SLC12A8: variants seen among roughly 807,000 people sequenced by gnomAD.
SLC12A8 encodes solute carrier family 12 member 8, also known as cation-chloride cotransporter 9.
A neutral mutation model predicts 75.6 loss-of-function variants in SLC12A8; 69 were observed. The ratio of observed to expected loss-of-function variants is 0.91; its 90% CI spans 0.75 to 1.11. The LOEUF is 1.11. Ranked by LOEUF, SLC12A8 falls within the 50% of genes most tolerant of loss-of-function variation. SLC12A8 has a pLI of 0.00. For missense variants in SLC12A8, 877 were observed against 896.7 expected (o/e 0.98, Z 0.28); for synonymous variants, 365 against 372.8 (o/e 0.98, Z 0.24).
Position 125,095,241 on chromosome 3 carries a change from C to T in SLC12A8, c.1706-3043G>A, listed in dbSNP as rs191740739. Among the ~76,000 whole-genome samples the T allele has an allele frequency of 1.7e-4, 26 of 152,288 alleles. No homozygotes were observed. In the East Asian group the frequency reaches 2.9e-3, roughly 17 times the overall value. On this transcript the variant is annotated intron_variant, in intron 10 of 13. Coordinates refer to ENST00000469902, the MANE Select transcript of SLC12A8 (RefSeq NM_024628.6). ...TCACCCATTAGTTGGCTAATAAGCA[C>T]CTTAAACTTAACATGACTAACACAG...
At chr3:125,164,698 C>G (rs1052330012) in intron 5 of SLC12A8, among the ~76,000 whole-genome samples, 7 of 152,258 alleles carry the variant, frequency 4.6e-5, no homozygotes, top group Non-Finnish European at 8.8e-5. Context: ...GTTTCCTCCA[C>G]TGAGCCTGGG....
intron 4 of SLC12A8, among the ~76,000 whole-genome samples, chr3:125,179,686 G>T (rs190231816): frequency 6.1e-4 from 92 of 149,614 alleles, no homozygotes; most frequent in Middle Eastern, 6.8e-3. Context: ...AGAAATGTGA[G>T]GGAAATACAA....
intron 1 of SLC12A8, among the ~76,000 whole-genome samples, chr3:125,212,113 G>C (rs1935348063): frequency 6.6e-6 from 1 of 152,090 alleles, no homozygotes; most frequent in South Asian, 2.1e-4. Flanking sequence ...GAGGAAGAGA[G>C]CGAGGGGGAG....
Position 125,202,853 on chromosome 3 carries a change from C to T in SLC12A8, c.51+8446G>A, listed in dbSNP as rs1007545471. 4.2e-4 allele frequency among the ~76,000 whole-genome samples: 64 copies of T among 151,980 alleles called. 1 individual carries two copies. The highest frequency in any genetic ancestry group is 1.4e-3 in the African/African-American group (59 of 41,456). ...CTGTAATCCCAGTACTTTGGGAGGCCAAGGCGGGCGGATCACCTGAGGTCA... is the reference window on the plus strand; with the variant it reads ...CTGTAATCCCAGTACTTTGGGAGGCTAAGGCGGGCGGATCACCTGAGGTCA... On this transcript the variant is annotated intron_variant, in intron 2 of 13. Coordinates refer to ENST00000469902, the MANE Select transcript of SLC12A8 (RefSeq NM_024628.6).
intron 10 of SLC12A8, among the ~76,000 whole-genome samples, chr3:125,103,604 A>G (rs1205838499): frequency 1.3e-5 from 2 of 152,048 alleles, no homozygotes; most frequent in Admixed American, 6.5e-5. Flanking sequence ...AGCTGGAACT[A>G]CAGGCATGTG....
At chr3:125,144,727 G>C (rs966623214) in intron 5 of SLC12A8, among the ~76,000 whole-genome samples, 1 of 152,034 alleles carries the variant, frequency 6.6e-6, no homozygotes, top group Non-Finnish European at 1.5e-5. Context: ...TCAACTCATG[G>C]CCCCCTCAAA....
At chr3:125,210,273 T>C (rs1560088204) in intron 2 of SLC12A8, among the ~76,000 whole-genome samples, 1 of 152,192 alleles carries the variant, frequency 6.6e-6, no homozygotes, top group African/African-American at 2.4e-5. Flanking sequence ...AAATTGTTGA[T>C]AAGAAGCATC....
intron 5 of SLC12A8, among the ~76,000 whole-genome samples, chr3:125,166,760 T>C (rs1934299909): frequency 6.6e-6 from 1 of 152,216 alleles, no homozygotes; most frequent in African/African-American, 2.4e-5. Context: ...TGCGAAAATA[T>C]GTTGGCTGAA....
chr3:125,200,795 G>A (rs551642088), intron 2 of SLC12A8, among the ~76,000 whole-genome samples: 3 of 152,308 alleles, frequency 2.0e-5, no homozygotes, highest in Non-Finnish European at 4.4e-5. Flanking sequence ...AAAAAGGAAA[G>A]TGACTCAAAA....
intron 8 of SLC12A8, among the ~76,000 whole-genome samples, chr3:125,116,656 CAG>C (rs1297326558): frequency 1.3e-5 from 2 of 152,166 alleles, no homozygotes; most frequent in Admixed American, 6.5e-5. Context: ...CCTTGAAAAA[CAG>C]GGGAAGGAGA....
chr3:125,086,770 G>A (rs915610476), intron 13 of SLC12A8, among the ~76,000 whole-genome samples: 35 of 152,306 alleles, frequency 2.3e-4, no homozygotes, highest in Non-Finnish European at 4.3e-4. Flanking sequence ...ATTGAGACCA[G>A]CTGGCCCAAG....
At chr3:125,106,562 C>A (rs1042082031) in intron 10 of SLC12A8, among the ~76,000 whole-genome samples, 1 of 152,150 alleles carries the variant, frequency 6.6e-6, no homozygotes, top group African/African-American at 2.4e-5. Context: ...AGCCACCATG[C>A]CTGGCTAATT....
chr3:125,163,472 G>A (rs571948944), intron 5 of SLC12A8, among the ~76,000 whole-genome samples: 5 of 151,582 alleles, frequency 3.3e-5, no homozygotes, highest in African/African-American at 4.8e-5. Context: ...TTAGCCAGGC[G>A]CCTGTAGTCC....
chr3:125,107,862 C>T lies in SLC12A8; in HGVS notation c.1324G>A (p.Gly442Ser), dbSNP rs370711982. ...HLLLEKAPSY[G>S]SEGPAQRVLE... ...ACTCTTTGGGCAGGTCCCTCAGAGC[C>T]GTAACTGGGAGCTTTCTCTAAGAGC... The change falls in exon 10 of 14, where the codon GGC becomes AGC. Residue 442 changes from glycine (G) to serine (S), a missense_variant. Physicochemically the swap from Gly to Ser is moderately conservative, Grantham distance 56. Transcript: ENST00000469902. 1.2e-5 allele frequency: 19 copies of T among 1,614,048 alleles called. No homozygotes were observed. Among genetic ancestry groups the T allele is most frequent in the South Asian group, 3.3e-5 (3 of 91,074 alleles).
intron 12 of SLC12A8, among the ~76,000 whole-genome samples, 174 bp from the exon 13 acceptor site, chr3:125,088,544 C>T (rs767441929): frequency 6.6e-6 from 1 of 152,178 alleles, no homozygotes; most frequent in Non-Finnish European, 1.5e-5. Flanking sequence ...TCCATGACAG[C>T]AGCCTACTAA....
Position 125,083,874 on chromosome 3 carries a change from G to A in SLC12A8, c.*16C>T. 1.2e-6 allele frequency: 2 copies of A among 1,607,698 alleles called. No individual in the cohort carries two copies. The highest frequency in any genetic ancestry group is 1.7e-6 in the Non-Finnish European group (2 of 1,177,178). On this transcript the variant is annotated 3_prime_UTR_variant, in exon 14 of 14. Transcript: ENST00000469902. Reference sequence around the variant, plus strand: ...ACATGGGACAGCTCCAAAAGAGGAAGGTCCCAGCACTGCATCTAGTAGTGA... The same window carrying A: ...ACATGGGACAGCTCCAAAAGAGGAAAGTCCCAGCACTGCATCTAGTAGTGA...
At chr3:125,129,119 G>A (rs906018017) in intron 6 of SLC12A8, among the ~76,000 whole-genome samples, 11 of 152,362 alleles carry the variant, frequency 7.2e-5, no homozygotes, top group African/African-American at 2.6e-4. Flanking sequence ...ACAGGCCCAT[G>A]TGTTGGCTGT....
At chr3:125,198,315 T>A (rs1030439360) in intron 2 of SLC12A8, among the ~76,000 whole-genome samples, 1 of 148,964 alleles carries the variant, frequency 6.7e-6, no homozygotes, top group African/African-American at 2.5e-5. Context: ...CAAGGGACTA[T>A]TCCAGATTAA....
intron 2 of SLC12A8, among the ~76,000 whole-genome samples, chr3:125,206,486 T>C (rs917924230): frequency 6.6e-6 from 1 of 152,212 alleles, no homozygotes; most frequent in Non-Finnish European, 1.5e-5. Flanking sequence ...TTTGGTTCTA[T>C]TTCTATCTAC....
Sources: gnomAD v4.1 joint callset for allele counts (sites outside exome capture counted in the v4.1 genomes callset) on GRCh38, gnomAD v4.1.1 for gene constraint, MANE v1.5 for transcripts, NCBI Gene and HGNC (gene_info 2026-07-23, HGNC 2026-07-21) for gene names.